The following JOSD1 variants were observed in gnomAD, a reference collection of about 807,000 sequenced individuals.
JOSD1 encodes the protein Josephin domain containing 1.
JOSD1 carries 11 observed loss-of-function variants against 24.3 expected under a neutral mutation model. The ratio of observed to expected loss-of-function variants is 0.45; its 90% confidence interval spans 0.29 to 0.75. JOSD1 has a LOEUF of 0.75. Ranked by LOEUF, JOSD1 falls within the 30% of genes least tolerant of loss-of-function variation. JOSD1 has a pLI of 0.11. For missense variants in JOSD1, 184 were observed against 253.5 expected (o/e 0.73, Z 1.86); for synonymous variants, 106 against 93.8 (o/e 1.13, Z -0.75).
chr22:38,690,534 C>G (rs892634159), intron 2 of JOSD1, among the ~76,000 whole-genome samples: 1 of 151,900 alleles, frequency 6.6e-6, no homozygotes, highest in Non-Finnish European at 1.5e-5. Context: ...TCCCAAGTAG[C>G]TGGGATTACA....
Position 38,689,101 on chromosome 22 carries a change from C to T in JOSD1, c.343G>A (p.Val115Ile), listed in dbSNP as rs756017262. 90 of 1,613,938 alleles carry T rather than the reference C, an allele frequency of 5.6e-5. No individual in the cohort carries two copies. The highest frequency in any genetic ancestry group is 5.3e-4 in the Admixed American group (32 of 59,996). The change falls in exon 4 of 5, where the codon GTC becomes ATC. Residue 115 changes from valine (V) to isoleucine (I), a missense_variant. Physicochemically the swap from Val to Ile is conservative, Grantham distance 29. Transcript: ENST00000683374. ...RDVGVIALTN[V>I]MGFIMNLPSS... ...GGCAGATTCATGATGAAGCCCATGACGTTAGTGAGGGCAATGACACCGACA... is the reference window on the plus strand; with the variant it reads ...GGCAGATTCATGATGAAGCCCATGATGTTAGTGAGGGCAATGACACCGACA...
Position 38,685,716 on chromosome 22 carries a change from A to G in JOSD1, c.*2186T>C, listed in dbSNP as rs990075192. 6.5e-6 allele frequency: 1 copy of G among 152,690 alleles called. No homozygotes were observed. Among genetic ancestry groups the G allele is most frequent in the African/African-American group, 2.4e-5 (1 of 41,474 alleles). 9.5% of individuals were successfully genotyped at this position (152,690 alleles called of 1,614,324 possible). A position where few individuals can be genotyped will look rare whatever the true frequency, so the allele number is the denominator to read the frequency against. On this transcript the variant is annotated 3_prime_UTR_variant, in exon 5 of 5. Transcript: ENST00000683374. Reference sequence around the variant, plus strand: ...ACAACAAAAAGGAATAAAAGCAAGAAAAACAAAAAGCCTAGGGTTGCCCGT... The same window carrying G: ...ACAACAAAAAGGAATAAAAGCAAGAGAAACAAAAAGCCTAGGGTTGCCCGT...
chr22:38,689,106 G>A lies in JOSD1; in HGVS notation c.338C>T (p.Thr113Ile), dbSNP rs1364677093. Residue 113 changes from threonine (T) to isoleucine (I), a missense_variant, in exon 4 of 5, where the codon ACT becomes ATT. Coordinates refer to ENST00000683374, the MANE Select transcript of JOSD1 (RefSeq NM_001360236.2). ...ATTCATGATGAAGCCCATGACGTTA[G>A]TGAGGGCAATGACACCGACATCCCT... is the stretch of plus-strand genomic sequence containing the variant. The part of the protein sequence containing the change: ...KRRDVGVIAL[T>I]NVMGFIMNLP... The A allele has an allele frequency of 6.2e-7, 1 of 1,613,970 alleles. No homozygotes were observed. The highest frequency in any genetic ancestry group is 8.5e-7 in the Non-Finnish European group (1 of 1,179,990).
chr22:38,701,100 A>G (rs927487725), upstream of JOSD1: 1 of 539,608 alleles, frequency 1.9e-6, no homozygotes, highest in African/African-American at 2.1e-5. Context: ...GGAGCCGCAG[A>G]CGCCGGGCGT....
intron 2 of JOSD1, among the ~76,000 whole-genome samples, chr22:38,698,036 T>C (rs961124787): frequency 1.3e-5 from 2 of 152,252 alleles, no homozygotes; most frequent in African/African-American, 4.8e-5. Flanking sequence ...AGATTGTTCA[T>C]ACATATCACA....
intron 2 of JOSD1, among the ~76,000 whole-genome samples, chr22:38,691,496 G>T: frequency 6.6e-6 from 1 of 152,144 alleles, no homozygotes; most frequent in Middle Eastern, 3.4e-3. Flanking sequence ...GGCCCTCAAG[G>T]TCCTGCAGAT....
chr22:38,698,177 T>C (rs943905964), intron 2 of JOSD1, among the ~76,000 whole-genome samples: 5 of 152,220 alleles, frequency 3.3e-5, no homozygotes, highest in Admixed American at 2.6e-4. Flanking sequence ...AAGCATGTAC[T>C]GGGTCCTCCT....
intron 2 of JOSD1, among the ~76,000 whole-genome samples, chr22:38,698,128 G>C (rs2092552949): frequency 6.6e-6 from 1 of 152,178 alleles, no homozygotes; most frequent in Admixed American, 6.5e-5. Flanking sequence ...GCAAATATCT[G>C]ATTAGGAGTA....
Position 38,687,787 on chromosome 22 carries a change from G to C in JOSD1, c.*115C>G. On this transcript the variant is annotated 3_prime_UTR_variant, in exon 5 of 5. Transcript: ENST00000683374. ...TCCTATTGCACTGTCAGATCTGAAG[G>C]GGAAAAACTTGATGAGATGTTTGGG... 1.4e-6 allele frequency: 1 copy of C among 699,898 alleles called. No individual in the cohort carries two copies. Among genetic ancestry groups the C allele is most frequent in the Non-Finnish European group, 2.6e-6 (1 of 388,336 alleles). 43.4% of individuals were successfully genotyped at this position (699,898 alleles called of 1,614,324 possible).
chr22:38,701,255 A>G (rs2145823737), upstream of JOSD1: 1 of 152,294 alleles, frequency 6.6e-6, no homozygotes, highest in East Asian at 1.9e-4. Flanking sequence ...AGGGAGTCCT[A>G]CCTGGACGCC....
intron 2 of JOSD1, among the ~76,000 whole-genome samples, chr22:38,696,668 C>G (rs2092547531): frequency 6.6e-6 from 1 of 152,158 alleles, no homozygotes; most frequent in African/African-American, 2.4e-5. Context: ...AACAAATGAC[C>G]TCTTTTTGCA....
intron 2 of JOSD1, among the ~76,000 whole-genome samples, chr22:38,695,434 T>C (rs1184551295): frequency 2.1e-5 from 3 of 145,942 alleles, no homozygotes; most frequent in Non-Finnish European, 1.5e-5. Context: ...ACCAAGCTAC[T>C]TTTTGCCTAG....
chr22:38,700,862 C>G lies in JOSD1; in HGVS notation c.-694G>C. 1 of 984,554 alleles carries G rather than the reference C, an allele frequency of 1.0e-6. No homozygotes were observed. The highest frequency in any genetic ancestry group is 1.2e-6 in the Non-Finnish European group (1 of 829,714). The allele number at this position is 984,554 out of a possible 1,614,324, so 61.0% of individuals were successfully genotyped here. On this transcript the variant is annotated 5_prime_UTR_variant, in exon 1 of 5. Coordinates refer to ENST00000683374, the MANE Select transcript of JOSD1 (RefSeq NM_001360236.2). ...TCCCGCCGCGCCCCCGGCCGCAGAC[C>G]CCAGGGCCGCCGGGACTGCTCGCCG...
At chr22:38,691,828 T>C (rs571426974) in intron 2 of JOSD1, among the ~76,000 whole-genome samples, 1 of 152,338 alleles carries the variant, frequency 6.6e-6, no homozygotes, top group East Asian at 1.9e-4. Context: ...TTTGATTTAA[T>C]TACAGCCCTG....
intron 3 of JOSD1, 59 bp from the exon 4 acceptor site, chr22:38,689,188 T>TTCCTTGAG: frequency 6.2e-7 from 1 of 1,601,874 alleles, no homozygotes; most frequent in South Asian, 1.1e-5. Context: ...GTTCCCTGGC[T>TTCCTTGAG]GTAATACCAC....
intron 2 of JOSD1, among the ~76,000 whole-genome samples, chr22:38,693,308 C>G (rs1179207448): frequency 6.6e-6 from 1 of 152,196 alleles, no homozygotes; most frequent in East Asian, 1.9e-4. Flanking sequence ...TTTCCTATTA[C>G]CACTCCATCT....
intron 2 of JOSD1, among the ~76,000 whole-genome samples, chr22:38,691,338 T>C (rs1269836159): frequency 1.0e-4 from 14 of 140,358 alleles, no homozygotes; most frequent in African/African-American, 1.3e-4. Context: ...GCCTGGGTGA[T>C]AGAGTAAGAC....
In JOSD1 at chr22:38,700,566, C is replaced by T; in HGVS notation, c.-579G>A. 2.0e-6 allele frequency: 2 copies of T among 985,470 alleles called. No individual in the cohort carries two copies. The highest frequency in any genetic ancestry group is 2.4e-6 in the Non-Finnish European group (2 of 829,956). 61.0% of individuals were successfully genotyped at this position (985,470 alleles called of 1,614,324 possible). Reference sequence around the variant, plus strand: ...CCATCCCCTCGGGTACGGTGGGGCCCGCAGGGCGCGGCTCCCTCGGAAGGC... The same window carrying T: ...CCATCCCCTCGGGTACGGTGGGGCCTGCAGGGCGCGGCTCCCTCGGAAGGC... On this transcript the variant is annotated 5_prime_UTR_variant, in exon 2 of 5. Transcript: ENST00000683374.
At position 38,699,870 on chromosome 22, in the gene JOSD1, C is replaced by T. The variant is rs2092560719; in HGVS notation, c.118G>A (p.Ala40Thr). The change falls in exon 2 of 5, where the codon GCC (alanine) becomes ACC (threonine). Residue 40 changes from alanine to threonine, a missense_variant. By Grantham distance (58) the Ala-to-Thr change is moderately conservative. Coordinates refer to ENST00000683374, the MANE Select transcript of JOSD1 (RefSeq NM_001360236.2). ...KQRRELCALH[A>T]LNNVFQDSNA... ...CTGTCCTGGAAGACGTTATTGAGGGCGTGGAGGGCACAAAGCTCCCTGCGC... is the reference window on the plus strand; with the variant it reads ...CTGTCCTGGAAGACGTTATTGAGGGTGTGGAGGGCACAAAGCTCCCTGCGC... 6.2e-7 allele frequency: 1 copy of T among 1,614,048 alleles called. No homozygotes were observed. The highest frequency in any genetic ancestry group is 1.3e-5 in the African/African-American group (1 of 74,918).
Sources: gnomAD v4.1 joint callset for allele counts (sites outside exome capture counted in the v4.1 genomes callset) on GRCh38, gnomAD v4.1.1 for gene constraint, MANE v1.5 for transcripts, NCBI Gene and HGNC (gene_info 2026-07-23, HGNC 2026-07-21) for gene names.